The following ADAM23 variants were observed in gnomAD, a reference collection of about 807,000 sequenced individuals.
ADAM23 encodes the protein disintegrin and metalloproteinase domain-containing protein 23.
Under a neutral mutation model 120.1 loss-of-function variants are expected in ADAM23, and 33 were observed. The ratio of observed to expected loss-of-function variants is 0.27; its 90% confidence interval spans 0.21 to 0.37. The LOEUF is 0.37. ADAM23 is among the 10% of genes least tolerant of loss of function. The pLI is 1.00. For missense variants in ADAM23, 862 were observed against 1,058.2 expected, an observed-to-expected ratio of 0.81 and a Z score of 2.57; for synonymous variants, 367 against 375.2, an observed-to-expected ratio of 0.98 and a Z score of 0.25.
At chr2:206,617,072 C>G (rs903532432) in intron 25 of ADAM23, among the ~76,000 whole-genome samples, 1 of 152,146 alleles carries the variant, frequency 6.6e-6, no homozygotes, top group Non-Finnish European at 1.5e-5. Flanking sequence ...TAAGAGCTCA[C>G]ACACCCAAGG....
rs537171332 is a variant in ADAM23, at chr2:206,503,203, A to G, written c.509+21895A>G. Among the ~76,000 whole-genome samples, 12 of 152,288 alleles carry G rather than the reference A, an allele frequency of 7.9e-5. No homozygotes were observed. In the East Asian group the frequency reaches 9.7e-4, roughly 12 times the overall value. On this transcript the variant is annotated intron_variant, in intron 3 of 25. Coordinates refer to ENST00000264377, the MANE Select transcript of ADAM23 (RefSeq NM_003812.4). ...GCACTGATCTCCTCTTGAGCAAAGC[A>G]TGATGTTCACTAGAGTGTTCAAATC...
intron 6 of ADAM23, 21 bp downstream of exon 6, chr2:206,543,337 G>A: frequency 6.3e-7 from 1 of 1,593,010 alleles, no homozygotes; most frequent in Non-Finnish European, 8.6e-7. Flanking sequence ...GCCATCAGTT[G>A]CCTGATGGCG....
At chr2:206,605,072 A>G (rs1254723624) in intron 24 of ADAM23, among the ~76,000 whole-genome samples, 1 of 152,168 alleles carries the variant, frequency 6.6e-6, no homozygotes, top group East Asian at 1.9e-4. Flanking sequence ...AAAGCTGTAC[A>G]CAGAGAAGCA....
At chr2:206,464,862 A>T (rs538134594) in intron 2 of ADAM23, among the ~76,000 whole-genome samples, 5 of 152,100 alleles carry the variant, frequency 3.3e-5, no homozygotes, top group African/African-American at 1.2e-4. Context: ...TCAAAGAAGT[A>T]TCTAGCCTAA....
chr2:206,617,477 C>T, intron 25 of ADAM23, 102 bp from the exon 26 acceptor site: 1 of 1,310,746 alleles, frequency 7.6e-7, no homozygotes, highest in Non-Finnish European at 1.0e-6. Flanking sequence ...TGCTCTGGAA[C>T]TAGCATTATT....
chr2:206,443,729 T>C lies in ADAM23; in HGVS notation c.-138T>C, dbSNP rs868492343. 1,545 of 244,124 alleles carry C rather than the reference T, an allele frequency of 6.3e-3. 8 individuals are homozygous for C. The highest frequency in any genetic ancestry group is 0.013 in the Middle Eastern group (6 of 462). 15.1% of individuals were successfully genotyped at this position (244,124 alleles called of 1,614,324 possible). A position where few individuals can be genotyped will look rare whatever the true frequency, so the allele number is the denominator to read the frequency against. On this transcript the variant is annotated 5_prime_UTR_variant, in exon 1 of 26. Coordinates refer to ENST00000264377, the MANE Select transcript of ADAM23 (RefSeq NM_003812.4). ...GCCCAGCCCCGAGCCCCGCGCCCCG[T>C]GCCCCGAGCCCGGAGCCCCCTGCCC...
intron 2 of ADAM23, among the ~76,000 whole-genome samples, chr2:206,468,455 C>G (rs1179004330): frequency 6.6e-6 from 1 of 152,144 alleles, no homozygotes; most frequent in Non-Finnish European, 1.5e-5. Context: ...AAGGCAGGGG[C>G]ACAGTCCAGC....
intron 22 of ADAM23, among the ~76,000 whole-genome samples, chr2:206,592,964 T>C (rs1698453454): frequency 1.3e-5 from 2 of 152,334 alleles, no homozygotes; most frequent in South Asian, 4.1e-4. Flanking sequence ...AGTAGTAATA[T>C]GGCCTTCTTT....
intron 9 of ADAM23, among the ~76,000 whole-genome samples, chr2:206,555,949 AAATGCTGAGC>A (rs1009079069): frequency 6.6e-6 from 1 of 152,162 alleles, no homozygotes; most frequent in African/African-American, 2.4e-5. Flanking sequence ...AGGCAACTTA[AAATGCTGAGC>A]TATCTATAGA....
At chr2:206,509,390 CAA>C (rs1696573853) in intron 3 of ADAM23, among the ~76,000 whole-genome samples, 1 of 151,996 alleles carries the variant, frequency 6.6e-6, no homozygotes, top group Non-Finnish European at 1.5e-5. Flanking sequence ...TTAAATTTAA[CAA>C]AATTTGAATA....
chr2:206,594,910 G>A lies in ADAM23; in HGVS notation c.2247+5G>A, dbSNP rs1698495032. On this transcript the variant is annotated splice_donor_5th_base_variant and intron_variant, in intron 23 of 25. Coordinates refer to ENST00000264377, the MANE Select transcript of ADAM23 (RefSeq NM_003812.4). ...AAAGTCTGTTCGGGCCATGGGGTAA[G>A]TAGGTATCAATGTGACAGCTGGAAC... 1.2e-6 allele frequency: 2 copies of A among 1,613,954 alleles called. No individual in the cohort carries two copies. The highest frequency in any genetic ancestry group is 1.7e-5 in the Admixed American group (1 of 60,000).
intron 9 of ADAM23, among the ~76,000 whole-genome samples, chr2:206,552,498 T>A (rs1251632633): frequency 6.6e-6 from 1 of 152,176 alleles, no homozygotes; most frequent in Non-Finnish European, 1.5e-5. Context: ...AACCTTATTC[T>A]TATGAATAAT....
At chr2:206,597,928 A>G (rs957139559) in intron 24 of ADAM23, among the ~76,000 whole-genome samples, 3 of 152,222 alleles carry the variant, frequency 2.0e-5, no homozygotes, top group African/African-American at 7.2e-5. Flanking sequence ...GTTCAGTAAT[A>G]GTGGGTGTGT....
chr2:206,610,005 G>T lies in ADAM23; in HGVS notation c.2450+5G>T. ...GGGCACAGGCTGGGGATTTAAGTAA[G>T]CAACGCCGCATGTCTTCTTCTCAGT... On this transcript the variant is annotated splice_donor_5th_base_variant and intron_variant, in intron 25 of 25. Coordinates refer to ENST00000264377, the MANE Select transcript of ADAM23 (RefSeq NM_003812.4). The T allele has an allele frequency of 1.3e-6, 2 of 1,563,414 alleles. No individual in the cohort carries two copies. Among genetic ancestry groups the T allele is most frequent in the Non-Finnish European group, 8.6e-7 (1 of 1,162,946 alleles).
chr2:206,562,914 G>A (rs1005790976), intron 13 of ADAM23, among the ~76,000 whole-genome samples: 2 of 152,154 alleles, frequency 1.3e-5, no homozygotes, highest in South Asian at 4.1e-4. Context: ...ACTGTTAGGC[G>A]TCATTTTTTC....
At chr2:206,557,766 A>G (rs1697675922) in intron 10 of ADAM23, among the ~76,000 whole-genome samples, 1 of 152,204 alleles carries the variant, frequency 6.6e-6, no homozygotes, top group Non-Finnish European at 1.5e-5. Context: ...GAGGACAAAA[A>G]CAGTGGAGAA....
chr2:206,470,557 G>C (rs1384933476), intron 2 of ADAM23, among the ~76,000 whole-genome samples: 1 of 152,160 alleles, frequency 6.6e-6, no homozygotes, highest in East Asian at 1.9e-4. Context: ...AGTATGTGTA[G>C]TACACATTTG....
chr2:206,560,609 AG>A (rs1314039362), intron 11 of ADAM23, among the ~76,000 whole-genome samples: 1 of 152,174 alleles, frequency 6.6e-6, no homozygotes, highest in Non-Finnish European at 1.5e-5. Flanking sequence ...TCTACTACTA[AG>A]GAAAAAGGGT....
chr2:206,587,813 G>C (rs183255558), intron 19 of ADAM23, among the ~76,000 whole-genome samples: 2 of 152,274 alleles, frequency 1.3e-5, no homozygotes, highest in African/African-American at 4.8e-5. Context: ...TCATTTTGGT[G>C]TCTCTCACAG....
Sources: gnomAD v4.1 joint callset for allele counts (sites outside exome capture counted in the v4.1 genomes callset) on GRCh38, gnomAD v4.1.1 for gene constraint, MANE v1.5 for transcripts, NCBI Gene and HGNC (gene_info 2026-07-23, HGNC 2026-07-21) for gene names.